Variants in EYA4 observed in about 807,000 individuals in gnomAD.
The protein encoded by EYA4 is EYA transcriptional coactivator and phosphatase 4.
Under a neutral mutation model 87.9 loss-of-function variants are expected in EYA4, and 31 were observed. The observed-to-expected ratio is 0.35, with a 90% CI of 0.27 to 0.48. The LOEUF is 0.48. Among genes scored for constraint, EYA4 ranks in the 20% least tolerant of loss-of-function variants. EYA4 has a pLI of 0.99. For missense variants in EYA4, 678 were observed against 761.4 expected (o/e 0.89, Z 1.29); for synonymous variants, 263 against 270.6 (o/e 0.97, Z 0.28).
At position 133,473,421 on chromosome 6, in the gene EYA4, A is replaced by G. The variant is rs565354833; in HGVS notation, c.970+4690A>G. Among the ~76,000 whole-genome samples, 12 of 152,236 alleles carry G rather than the reference A, an allele frequency of 7.9e-5. No homozygotes were observed. In the South Asian group the frequency reaches 2.5e-3, roughly 32 times the overall value. ...ACAATAGTGAGAAAGGGAAAATGGTAGGTCATATGGGGGATATTAACAAGT... is the reference window on the plus strand; with the variant it reads ...ACAATAGTGAGAAAGGGAAAATGGTGGGTCATATGGGGGATATTAACAAGT... On this transcript the variant is annotated intron_variant, in intron 11 of 19. Transcript: ENST00000355286.
chr6:133,379,564 T>C (rs565143433), intron 2 of EYA4, among the ~76,000 whole-genome samples: 1 of 152,244 alleles, frequency 6.6e-6, no homozygotes, highest in East Asian at 1.9e-4. Context: ...GATAAAAAGA[T>C]CTGATAATAT....
intron 3 of EYA4, among the ~76,000 whole-genome samples, chr6:133,384,313 AAAT>A (rs1009113013): frequency 6.6e-6 from 1 of 152,110 alleles, no homozygotes; most frequent in African/African-American, 2.4e-5. Flanking sequence ...TTTAAGAAAA[AAAT>A]AGTTTTTTTG....
At chr6:133,522,172 T>G (rs1222473990) in intron 17 of EYA4, among the ~76,000 whole-genome samples, 2 of 148,742 alleles carry the variant, frequency 1.3e-5, no homozygotes, top group Non-Finnish European at 1.5e-5. Flanking sequence ...TAGAGTAGTT[T>G]TTTTTTTTTT....
rs542958752 is a variant in EYA4 at position 133,394,554 on chromosome 6, T to A, written c.83+12113T>A. Among the ~76,000 whole-genome samples the A allele has an allele frequency of 5.3e-5, 8 of 152,024 alleles. 1 individual carries two copies. The highest frequency in any genetic ancestry group is 1.9e-4 in the African/African-American group (8 of 41,422). Reference sequence around the variant, plus strand: ...GCAAACCTCACCCATACAGACATATTTGAGAATTACAGAGAGAAAAAAAAA... The same window carrying A: ...GCAAACCTCACCCATACAGACATATATGAGAATTACAGAGAGAAAAAAAAA... On this transcript the variant is annotated intron_variant, in intron 3 of 19. Coordinates refer to ENST00000355286, the MANE Select transcript of EYA4 (RefSeq NM_004100.5).
chr6:133,243,329 G>A (rs181322656), intron 1 of EYA4, among the ~76,000 whole-genome samples: 4 of 152,276 alleles, frequency 2.6e-5, no homozygotes, highest in Non-Finnish European at 5.9e-5. Flanking sequence ...TGGGATCAAC[G>A]TAATTGTTGG....
At chr6:133,477,597 T>A (rs940636522) in intron 11 of EYA4, among the ~76,000 whole-genome samples, 7 of 152,092 alleles carry the variant, frequency 4.6e-5, no homozygotes, top group Non-Finnish European at 7.4e-5. Context: ...TAGAAGCAGA[T>A]CTAGGTTTGA....
chr6:133,436,873 C>A (rs1791734132), intron 3 of EYA4, among the ~76,000 whole-genome samples: 1 of 152,170 alleles, frequency 6.6e-6, no homozygotes, highest in South Asian at 2.1e-4. Context: ...TTACCAGGAT[C>A]TGTACAGAAT....
rs543789215 is a variant in EYA4, at chr6:133,515,342, G to A, written c.1523G>A (p.Arg508Lys). ...GCAGGACTCCTTGGCCCTGCCAAGA[G>A]GGATGCCTGGCTACAGTTAAGGGCA... ...NVGGLLGPAK[R>K]DAWLQLRAEI... is the part of the protein sequence containing the mutation. The change falls in exon 17 of 20, where the codon AGG (arginine) becomes AAG (lysine). Residue 508 changes from arginine to lysine, a missense_variant. Coordinates refer to ENST00000355286, the MANE Select transcript of EYA4 (RefSeq NM_004100.5). The A allele has an allele frequency of 3.2e-5, 51 of 1,612,278 alleles. 1 individual carries two copies. The South Asian group carries it at 5.2e-4, about 16-fold the overall frequency.
At chr6:133,294,873 A>G (rs1445860158) in intron 2 of EYA4, among the ~76,000 whole-genome samples, 1 of 152,064 alleles carries the variant, frequency 6.6e-6, no homozygotes, top group Non-Finnish European at 1.5e-5. Flanking sequence ...AAGCCACCAC[A>G]GCCGGCCAAT....
At chr6:133,473,244 G>A (rs1795431423) in intron 11 of EYA4, among the ~76,000 whole-genome samples, 1 of 151,986 alleles carries the variant, frequency 6.6e-6, no homozygotes. Context: ...GACCAGTGGG[G>A]CCAAGATGAC....
intron 1 of EYA4, among the ~76,000 whole-genome samples, chr6:133,245,863 A>G (rs1454538312): frequency 1.7e-4 from 26 of 152,338 alleles, no homozygotes; most frequent in Admixed American, 1.3e-3. Flanking sequence ...CTGTCACTCA[A>G]TATTGCTTGT....
At chr6:133,520,673 G>A (rs1230173639) in intron 17 of EYA4, among the ~76,000 whole-genome samples, 13 of 147,326 alleles carry the variant, frequency 8.8e-5, no homozygotes, top group African/African-American at 2.5e-4. Context: ...AGCCCGCATC[G>A]CCAAGTCAAT....
intron 3 of EYA4, among the ~76,000 whole-genome samples, chr6:133,437,540 A>G (rs1173049513): frequency 6.6e-6 from 1 of 152,204 alleles, no homozygotes; most frequent in Non-Finnish European, 1.5e-5. Flanking sequence ...ATATATATGA[A>G]AAACCAAACA....
chr6:133,463,897 A>G (rs1180606113), intron 9 of EYA4, among the ~76,000 whole-genome samples: 1 of 152,064 alleles, frequency 6.6e-6, no homozygotes, highest in African/African-American at 2.4e-5. Context: ...AGGTTGAAAC[A>G]TATTTGAAAG....
At chr6:133,397,783 G>A (rs1041360983) in intron 3 of EYA4, among the ~76,000 whole-genome samples, 4 of 152,178 alleles carry the variant, frequency 2.6e-5, no homozygotes, top group Non-Finnish European at 5.9e-5. Context: ...AAGGCAAAAG[G>A]CATGTGTCAC....
At chr6:133,270,551 G>T (rs1047452893) in intron 1 of EYA4, among the ~76,000 whole-genome samples, 2 of 152,172 alleles carry the variant, frequency 1.3e-5, no homozygotes, top group Non-Finnish European at 1.5e-5. Context: ...TGGTCTCGTG[G>T]TCGTAGATGC....
chr6:133,353,286 C>T (rs1471189295), intron 2 of EYA4, among the ~76,000 whole-genome samples: 2 of 152,008 alleles, frequency 1.3e-5, no homozygotes, highest in African/African-American at 4.8e-5. Context: ...TGTGAGTATG[C>T]CTGTGCTTCC....
chr6:133,409,192 A>T (rs1788993113), intron 3 of EYA4, among the ~76,000 whole-genome samples: 2 of 152,210 alleles, frequency 1.3e-5, no homozygotes, highest in Admixed American at 6.5e-5. Context: ...CTATCCAAAA[A>T]GGAAGTGAAA....
At chr6:133,422,643 A>G (rs1463859970) in intron 3 of EYA4, among the ~76,000 whole-genome samples, 3 of 152,218 alleles carry the variant, frequency 2.0e-5, no homozygotes, top group East Asian at 1.9e-4. Context: ...TTCACCATTT[A>G]TTGTGTAATA....
Sources: gnomAD v4.1 joint callset for allele counts (sites outside exome capture counted in the v4.1 genomes callset) on GRCh38, gnomAD v4.1.1 for gene constraint, MANE v1.5 for transcripts, NCBI Gene and HGNC (gene_info 2026-07-23, HGNC 2026-07-21) for gene names.